The following USO1 variants were observed in gnomAD, a reference collection of about 807,000 sequenced individuals.
USO1 encodes USO1 vesicle transport factor.
Under a neutral mutation model 124.5 loss-of-function variants are expected in USO1, and 57 were observed. The ratio of observed to expected loss-of-function variants is 0.46; its 90% CI spans 0.37 to 0.57. USO1 has a LOEUF of 0.57. Ranked by LOEUF, USO1 falls within the 20% of genes least tolerant of loss-of-function variation. The pLI is 0.00. For synonymous variants in USO1, 369 were observed against 362.8 expected (o/e 1.02, Z -0.19); for missense variants, 900 against 1,040.6 (o/e 0.86, Z 1.86).
chr4:75,805,400 T>C, intron 19 of USO1, 97 bp downstream of exon 19: 5 of 1,425,636 alleles, frequency 3.5e-6, no homozygotes, highest in Non-Finnish European at 4.6e-6. Flanking sequence ...AGCCAGAATA[T>C]CATATGTTAA....
chr4:75,734,064 G>A (rs574674490), intron 1 of USO1, among the ~76,000 whole-genome samples: 1 of 147,818 alleles, frequency 6.8e-6, no homozygotes, highest in South Asian at 2.1e-4. Context: ...TCCTGCTTCA[G>A]CCTCCCAAGT....
Position 75,799,321 on chromosome 4 carries a change from CCA to C in USO1, c.1453-297_1453-296del, listed in dbSNP as rs546780982. On this transcript the variant is annotated intron_variant, in intron 13 of 23. Transcript: ENST00000514213. ...GGATTAATAGATTATTTTAAAGCCT[CCA>C]CACTGATTTTTTTCCTTAGCAGACA... is the stretch of plus-strand genomic sequence containing the variant. Among the ~76,000 whole-genome samples the C allele has an allele frequency of 2.4e-3, 358 of 152,024 alleles. 1 individual carries two copies. Among genetic ancestry groups the C allele is most frequent in the Non-Finnish European group, 3.7e-3 (253 of 67,974 alleles).
chr4:75,787,454 A>G (rs1354064537), intron 10 of USO1, among the ~76,000 whole-genome samples: 1 of 152,176 alleles, frequency 6.6e-6, no homozygotes, highest in Admixed American at 6.5e-5. Flanking sequence ...AAGATTTCTC[A>G]TTAATTTTGT....
Position 75,724,770 on chromosome 4 carries a change from T to C in USO1, c.-50T>C. 2 of 1,603,576 alleles carry C rather than the reference T, an allele frequency of 1.2e-6. No individual in the cohort carries two copies. The highest frequency in any genetic ancestry group is 1.7e-6 in the Non-Finnish European group (2 of 1,171,686). On this transcript the variant is annotated 5_prime_UTR_variant, in exon 1 of 24. Transcript: ENST00000514213. The stretch of plus-strand genomic sequence containing the variant: ...GCCCTGCGGAGGGCGGGGGAAGTTG[T>C]CTTCTTTTTTTTCCGGAGGGGCCGG...
At chr4:75,801,706 C>G (rs1343877717) in intron 17 of USO1, among the ~76,000 whole-genome samples, 1 of 152,206 alleles carries the variant, frequency 6.6e-6, no homozygotes, top group Non-Finnish European at 1.5e-5. Context: ...CCACACCTGT[C>G]TACTAATTGT....
Position 75,806,682 on chromosome 4 carries a change from T to G in USO1, c.2376+110T>G, listed in dbSNP as rs1427219326. 6 of 1,380,932 alleles carry G rather than the reference T, an allele frequency of 4.3e-6. No individual in the cohort carries two copies. In the Admixed American group the frequency reaches 1.8e-4, roughly 41 times the overall value. 85.5% of individuals were successfully genotyped at this position (1,380,932 alleles called of 1,614,324 possible). A position where few individuals can be genotyped will look rare whatever the true frequency, so the allele number is the denominator to read the frequency against. Reference sequence around the variant, plus strand: ...CTATATTAGCAGATGTAAGTAAAATTTAAGTTAAGACAGCCATTTGAAAAT... The same window carrying G: ...CTATATTAGCAGATGTAAGTAAAATGTAAGTTAAGACAGCCATTTGAAAAT... On this transcript the variant is annotated intron_variant, in intron 20 of 23. Coordinates refer to ENST00000514213, the MANE Select transcript of USO1 (RefSeq NM_003715.4).
intron 7 of USO1, among the ~76,000 whole-genome samples, chr4:75,772,988 C>G (rs956787987): frequency 9.7e-4 from 148 of 151,932 alleles, no homozygotes; most frequent in African/African-American, 3.3e-3. Context: ...ATACCAGCTA[C>G]TTGGGAGGCT....
At chr4:75,727,582 T>C (rs1720501056) in intron 1 of USO1, among the ~76,000 whole-genome samples, 1 of 152,244 alleles carries the variant, frequency 6.6e-6, no homozygotes, top group Non-Finnish European at 1.5e-5. Flanking sequence ...GAAGTATTTA[T>C]AGAGCATCAG....
chr4:75,794,021 T>G, intron 13 of USO1, 120 bp downstream of exon 13: 3 of 1,403,698 alleles, frequency 2.1e-6, no homozygotes, highest in Non-Finnish European at 2.8e-6. Context: ...TGTTTATTAG[T>G]TCATCATAAT....
At chr4:75,729,140 C>T (rs1012812978) in intron 1 of USO1, among the ~76,000 whole-genome samples, 4 of 152,062 alleles carry the variant, frequency 2.6e-5, no homozygotes, top group African/African-American at 9.7e-5. Context: ...TTTTACTTGA[C>T]ACTGATTTCT....
chr4:75,776,681 C>T (rs1722079854), intron 8 of USO1, among the ~76,000 whole-genome samples: 1 of 152,066 alleles, frequency 6.6e-6, no homozygotes, highest in Admixed American at 6.6e-5. Context: ...CTTTTTCCTT[C>T]AAAGCCTTCA....
Position 75,813,269 on chromosome 4 carries a change from C to G in USO1, c.2863C>G (p.Pro955Ala). 1 of 1,610,742 alleles carries G rather than the reference C, an allele frequency of 6.2e-7. No homozygotes were observed. The highest frequency in any genetic ancestry group is 1.1e-5 in the South Asian group (1 of 90,408). Residue 955 changes from proline to alanine, a missense_variant, in exon 24 of 24, where the codon CCT (proline) becomes GCT (alanine). Pro to Ala is a conservative substitution (Grantham distance 27). This residue lies in a region of USO1 where 362 missense variants were observed against 359.0 expected (regional missense o/e 1.01). Transcript: ENST00000514213. ...GGATGAGGATGATGAAAGTGAAGAT[C>G]CTGGCAAGGATCTAGATCATATCTA... The part of the protein sequence containing the change: ...QEDEDDESED[P>A]GKDLDHI
chr4:75,796,555 C>T lies in USO1; in HGVS notation c.1452+2654C>T, dbSNP rs929697057. Among the ~76,000 whole-genome samples the T allele has an allele frequency of 5.9e-5, 9 of 151,908 alleles. 1 individual carries two copies. The highest frequency in any genetic ancestry group is 4.6e-4 in the Admixed American group (7 of 15,238). ...TTCATCATGTTGGCCAGGCTGGTCT[C>T]GAACTCCTGATGATCGCAGGTGATC... On this transcript the variant is annotated intron_variant, in intron 13 of 23. Transcript: ENST00000514213.
chr4:75,755,945 C>T (rs529853937), intron 3 of USO1, among the ~76,000 whole-genome samples: 5 of 152,048 alleles, frequency 3.3e-5, no homozygotes, highest in African/African-American at 1.2e-4. Context: ...CCGAGGTGAG[C>T]GAATCCCAAG....
At chr4:75,778,436 G>A (rs1415273815) in intron 8 of USO1, among the ~76,000 whole-genome samples, 1 of 152,174 alleles carries the variant, frequency 6.6e-6, no homozygotes, top group Non-Finnish European at 1.5e-5. Flanking sequence ...AGGAGCAAAA[G>A]GAAGGATTGG....
chr4:75,757,466 G>A (rs771512450), intron 3 of USO1, 31 bp from the exon 4 acceptor site: 1 of 1,448,968 alleles, frequency 6.9e-7, no homozygotes, highest in Non-Finnish European at 9.1e-7. Context: ...CTCATCAGCA[G>A]TGTATAAGTG....
At chr4:75,738,088 C>A (rs1266940140) in intron 1 of USO1, among the ~76,000 whole-genome samples, 2 of 151,874 alleles carry the variant, frequency 1.3e-5, no homozygotes, top group Admixed American at 1.3e-4. Flanking sequence ...CTGCCTTGGC[C>A]TCCCAGAGTG....
intron 23 of USO1, among the ~76,000 whole-genome samples, chr4:75,812,692 G>A (rs1442078270): frequency 6.6e-6 from 1 of 152,192 alleles, no homozygotes; most frequent in African/African-American, 2.4e-5. Flanking sequence ...TCAGATTTGT[G>A]TGTAAAGAGG....
intron 12 of USO1, among the ~76,000 whole-genome samples, chr4:75,793,161 T>G (rs1273934855): frequency 6.6e-6 from 1 of 151,820 alleles, no homozygotes; most frequent in Non-Finnish European, 1.5e-5. Context: ...GTCCCAAGCA[T>G]TTTGGATAAG....
Sources: gnomAD v4.1 joint callset for allele counts (sites outside exome capture counted in the v4.1 genomes callset) on GRCh38, gnomAD v4.1.1 for gene constraint, gnomAD v4.1.1 regional missense constraint, MANE v1.5 for transcripts, NCBI Gene and HGNC (gene_info 2026-07-23, HGNC 2026-07-21) for gene names.